Variants in ACAD11 observed in about 807,000 individuals in gnomAD.
ACAD11 encodes the protein acyl-CoA dehydrogenase family member 11.
ACAD11 carries 83 observed loss-of-function variants against 102.2 expected under a neutral mutation model. That is an observed-to-expected ratio of 0.81 (90% CI 0.68 to 0.97). ACAD11 has a LOEUF of 0.97. Among genes scored for constraint, ACAD11 ranks in the 50% least tolerant of loss-of-function variants. The pLI, the probability that ACAD11 is intolerant of heterozygous loss-of-function variation, is 0.00. For synonymous variants in ACAD11, 324 were observed against 319.8 expected (o/e 1.01, Z -0.14); for missense variants, 901 against 951.7 (o/e 0.95, Z 0.70).
chr3:132,635,219 A>T (rs756155768), intron 5 of ACAD11, among the ~76,000 whole-genome samples: 2 of 152,022 alleles, frequency 1.3e-5, no homozygotes, highest in African/African-American at 2.4e-5. Context: ...AGAGAGGGGA[A>T]CCTTCACTGG....
intron 11 of ACAD11, among the ~76,000 whole-genome samples, chr3:132,617,006 G>A (rs1346115327): frequency 1.3e-5 from 2 of 152,160 alleles, no homozygotes; most frequent in South Asian, 2.1e-4. Flanking sequence ...CAGGAGTCCA[G>A]TACTGTCTCA....
intron 1 of ACAD11, among the ~76,000 whole-genome samples, chr3:132,659,078 T>C (rs1304527322): frequency 6.6e-6 from 1 of 152,154 alleles, no homozygotes; most frequent in African/African-American, 2.4e-5. Flanking sequence ...GGAACGCTAC[T>C]CTCAGGATCC....
At chr3:132,599,916 AAATTT>A (rs1478479894) in intron 13 of ACAD11, among the ~76,000 whole-genome samples, 10 of 152,190 alleles carry the variant, frequency 6.6e-5, no homozygotes, top group African/African-American at 1.7e-4. Context: ...AATAAAAAAT[AAATTT>A]AATTTAAATA....
intron 17 of ACAD11, among the ~76,000 whole-genome samples, chr3:132,568,801 C>CAAAAAAA (rs755568917): frequency 1.9e-4 from 13 of 68,678 alleles, no homozygotes; most frequent in South Asian, 9.5e-4. Flanking sequence ...CATCCACAGG[C>CAAAAAAA]AAAAAAAAAA....
At chr3:132,618,383 C>T in intron 11 of ACAD11, 1 of 419,370 alleles carries the variant, frequency 2.4e-6, no homozygotes, top group Non-Finnish European at 4.2e-6. Context: ...ATGATCCTTA[C>T]ACGACCAATC....
At chr3:132,653,368 T>A (rs1937621405) in intron 1 of ACAD11, among the ~76,000 whole-genome samples, 1 of 152,196 alleles carries the variant, frequency 6.6e-6, no homozygotes, top group African/African-American at 2.4e-5. Flanking sequence ...ATCTACTGCA[T>A]ACAATAATCT....
chr3:132,615,136 C>T (rs183920025), intron 11 of ACAD11, among the ~76,000 whole-genome samples: 15 of 152,238 alleles, frequency 9.9e-5, no homozygotes, highest in East Asian at 3.9e-4. Context: ...TACCATCTCA[C>T]GCCAGTTAGA....
intron 9 of ACAD11, among the ~76,000 whole-genome samples, chr3:132,623,006 T>A (rs1324665350): frequency 6.6e-6 from 1 of 152,228 alleles, no homozygotes; most frequent in Non-Finnish European, 1.5e-5. Flanking sequence ...AGTTCCTGTT[T>A]TACATGCTAT....
At chr3:132,656,966 C>T (rs1257984183) in intron 1 of ACAD11, among the ~76,000 whole-genome samples, 1 of 151,600 alleles carries the variant, frequency 6.6e-6, no homozygotes, top group African/African-American at 2.4e-5. Context: ...AATATTTTAA[C>T]CATTATATGC....
Position 132,642,775 on chromosome 3 carries a change from C to T in ACAD11, c.277G>A (p.Ala93Thr). 2 of 1,612,528 alleles carry T rather than the reference C, an allele frequency of 1.2e-6. No homozygotes were observed. The highest frequency in any genetic ancestry group is 1.7e-6 in the Non-Finnish European group (2 of 1,179,470). ...ACGGGGAATCCAATTGAAAACAAGG[C>T]TTTCTGGACTTTAAATTCTCTATCA... The part of the protein sequence containing the change: ...QIDREFKVQK[A>T]LFSIGFPVPK... The change falls in exon 3 of 20, where the codon GCC becomes ACC. Residue 93 changes from alanine to threonine, a missense_variant. Transcript: ENST00000264990.
At chr3:132,644,675 A>T in intron 2 of ACAD11, 122 bp downstream of exon 2, 1 of 433,724 alleles carries the variant, frequency 2.3e-6, no homozygotes, top group Admixed American at 4.3e-5. Context: ...TTCATTAGAA[A>T]TAAAATATAT....
At chr3:132,611,218 G>A (rs533190917) in intron 11 of ACAD11, among the ~76,000 whole-genome samples, 4 of 152,014 alleles carry the variant, frequency 2.6e-5, no homozygotes, top group Non-Finnish European at 4.4e-5. Context: ...TCAATGGGAC[G>A]TATCTCAAAA....
chr3:132,582,889 A>G (rs1343451813), intron 13 of ACAD11, among the ~76,000 whole-genome samples: 2 of 152,172 alleles, frequency 1.3e-5, no homozygotes, highest in East Asian at 3.8e-4. Context: ...TCATATATGC[A>G]TATAAATGAT....
At position 132,578,802 on chromosome 3, in the gene ACAD11, A is replaced by G; in HGVS notation, c.1768T>C (p.Tyr590His). The G allele has an allele frequency of 1.2e-6, 2 of 1,612,762 alleles. No homozygotes were observed. Among genetic ancestry groups the G allele is most frequent in the South Asian group, 2.2e-5 (2 of 90,826 alleles). The change falls in exon 15 of 20, where the codon TAC (tyrosine) becomes CAC (histidine). Residue 590 changes from tyrosine (Y) to histidine (H), a missense_variant. Physicochemically the swap from Tyr to His is moderately conservative, Grantham distance 83. Transcript: ENST00000264990. ...KIIRPLSVFG[Y>H]TDNFHGGHFE... ...ATATTTATTGGATACCTACCTGTGT[A>G]GCCAAAAACTGACAAAGGCCTTATT...
intron 13 of ACAD11, among the ~76,000 whole-genome samples, chr3:132,592,395 G>C (rs1576569556): frequency 1.3e-5 from 2 of 152,286 alleles, no homozygotes; most frequent in Admixed American, 6.5e-5. Context: ...AATGAAAACA[G>C]ATGGCTTAGA....
intron 13 of ACAD11, among the ~76,000 whole-genome samples, chr3:132,585,416 T>C (rs1937767095): frequency 6.6e-6 from 1 of 152,150 alleles, no homozygotes; most frequent in South Asian, 2.1e-4. Flanking sequence ...GGCAATACCA[T>C]TCAGGACATA....
chr3:132,570,542 G>A (rs753897251), intron 17 of ACAD11, among the ~76,000 whole-genome samples: 15 of 151,810 alleles, frequency 9.9e-5, no homozygotes, highest in Admixed American at 7.2e-4. Flanking sequence ...CGGGATACAT[G>A]TGCAAGTTTG....
chr3:132,620,776 G>A (rs1156466556), intron 9 of ACAD11, among the ~76,000 whole-genome samples: 1 of 152,170 alleles, frequency 6.6e-6, no homozygotes, highest in Non-Finnish European at 1.5e-5. Flanking sequence ...AATTTTGGTG[G>A]CTCTCAGAAT....
intron 9 of ACAD11, among the ~76,000 whole-genome samples, chr3:132,623,832 T>C (rs2107854651): frequency 6.6e-6 from 1 of 152,332 alleles, no homozygotes; most frequent in South Asian, 2.1e-4. Context: ...AGAACAAGCC[T>C]GCCTGGTTTC....
Sources: allele counts gnomAD v4.1 joint callset (sites outside exome capture counted in the v4.1 genomes callset), GRCh38; gene constraint gnomAD v4.1.1; transcripts MANE v1.5; gene names NCBI Gene and HGNC (gene_info 2026-07-23, HGNC 2026-07-21).